The following CCNJL variants were observed in gnomAD, a reference collection of about 807,000 sequenced individuals.
The protein encoded by CCNJL is cyclin J like, also known as cyclin-J-like protein.
Under a neutral mutation model 33.4 loss-of-function variants are expected in CCNJL, and 33 were observed. The ratio of observed to expected loss-of-function variants is 0.99; its 90% confidence interval spans 0.75 to 1.32. The LOEUF (loss-of-function observed/expected upper bound fraction) is 1.32. Among genes scored for constraint, CCNJL ranks in the 40% most tolerant of loss-of-function variants. The pLI is 0.00. For synonymous variants in CCNJL, 227 were observed against 220.9 expected (o/e 1.03, Z -0.24); for missense variants, 512 against 499.7 (o/e 1.02, Z -0.23).
At chr5:160,271,981 T>C (rs887167400) in intron 3 of CCNJL, among the ~76,000 whole-genome samples, 3 of 152,232 alleles carry the variant, frequency 2.0e-5, no homozygotes, top group Admixed American at 1.3e-4. Flanking sequence ...ATAAATCTCA[T>C]GTTTTGTCAG....
intron 2 of CCNJL, among the ~76,000 whole-genome samples, chr5:160,287,164 G>A (rs1387175924): frequency 2.0e-5 from 3 of 152,146 alleles, no homozygotes; most frequent in Non-Finnish European, 4.4e-5. Context: ...TCTGAGAAAT[G>A]GGGGTCACGC....
chr5:160,323,392 G>A (rs746751747), intron 1 of CCNJL, among the ~76,000 whole-genome samples: 3 of 152,082 alleles, frequency 2.0e-5, no homozygotes, highest in Admixed American at 6.6e-5. Flanking sequence ...ACCGTGCCTG[G>A]CTCAAAAATA....
At position 160,298,990 on chromosome 5, in the gene CCNJL, A is replaced by T. The variant is rs959036360; in HGVS notation, c.66+12868T>A. On this transcript the variant is annotated intron_variant, in intron 2 of 5. Coordinates refer to ENST00000257536, the MANE Select transcript of CCNJL (RefSeq NM_001308173.3). Reference sequence around the variant, plus strand: ...GTATTTTATATTTATTTATTTATTTATTTTTTGAGACAGAGTCTTGATCTG... The same window carrying T: ...GTATTTTATATTTATTTATTTATTTTTTTTTTGAGACAGAGTCTTGATCTG... Among the ~76,000 whole-genome samples the T allele has an allele frequency of 3.3e-5, 5 of 152,006 alleles. No individual in the cohort carries two copies. In the East Asian group the frequency reaches 9.6e-4, roughly 29 times the overall value.
chr5:160,304,051 C>T (rs1208531161), intron 2 of CCNJL, among the ~76,000 whole-genome samples: 2 of 152,184 alleles, frequency 1.3e-5, no homozygotes, highest in Non-Finnish European at 2.9e-5. Flanking sequence ...CTCCCTGGGA[C>T]ACCTGGGTGG....
At chr5:160,275,811 G>A (rs1015942507) in intron 3 of CCNJL, among the ~76,000 whole-genome samples, 1 of 151,374 alleles carries the variant, frequency 6.6e-6, no homozygotes, top group Admixed American at 6.6e-5. Flanking sequence ...TCCATGCCCT[G>A]GGGCCAAAGA....
chr5:160,292,936 A>G (rs1397980978), intron 2 of CCNJL, among the ~76,000 whole-genome samples: 2 of 152,214 alleles, frequency 1.3e-5, no homozygotes, highest in Non-Finnish European at 2.9e-5. Flanking sequence ...TGAGATTACC[A>G]GCATCCCTAC....
At chr5:160,311,248 C>T (rs1190588872) in intron 2 of CCNJL, among the ~76,000 whole-genome samples, 5 of 152,066 alleles carry the variant, frequency 3.3e-5, no homozygotes, top group South Asian at 2.1e-4. Context: ...TTGTTTTCTT[C>T]CCTCAGCCTC....
At chr5:160,281,691 C>A (rs1256656272) in intron 2 of CCNJL, among the ~76,000 whole-genome samples, 1 of 152,172 alleles carries the variant, frequency 6.6e-6, no homozygotes, top group Non-Finnish European at 1.5e-5. Context: ...CCCCCTCTTA[C>A]CCAGGCTGGA....
intron 5 of CCNJL, 33 bp downstream of exon 5, chr5:160,255,516 T>C: frequency 6.2e-7 from 1 of 1,608,726 alleles, no homozygotes; most frequent in Non-Finnish European, 8.5e-7. Flanking sequence ...ACCTCACTAT[T>C]TCAGAAACAC....
At chr5:160,283,020 TATATATAC>T (rs1762290504) in intron 2 of CCNJL, among the ~76,000 whole-genome samples, 3 of 96,026 alleles carry the variant, frequency 3.1e-5, no homozygotes, top group African/African-American at 1.3e-4. Context: ...CATATATATA[TATATATAC>T]CTAAGAGAAA....
intron 3 of CCNJL, among the ~76,000 whole-genome samples, chr5:160,261,591 G>A (rs1761336520): frequency 6.6e-6 from 1 of 152,094 alleles, no homozygotes. Context: ...GGCTCTGGCC[G>A]ACTGGCTCTA....
chr5:160,338,724 T>C (rs1418037348), intron 1 of CCNJL, among the ~76,000 whole-genome samples: 1 of 152,184 alleles, frequency 6.6e-6, no homozygotes, highest in Non-Finnish European at 1.5e-5. Flanking sequence ...ATAAAGCACT[T>C]ACCATAGGGC....
chr5:160,251,361 A>G lies in CCNJL; in HGVS notation c.*2017T>C, dbSNP rs1420875650. 1 of 152,218 alleles carries G rather than the reference A, an allele frequency of 6.6e-6. No homozygotes were observed. The highest frequency in any genetic ancestry group is 1.5e-5 in the Non-Finnish European group (1 of 68,066). 9.4% of individuals were successfully genotyped at this position (152,218 alleles called of 1,614,324 possible). ...CAAATTTTAGACCACAGCCTCTGCA[A>G]TCACATGAGCCAATTCCTTAAAATA... On this transcript the variant is annotated 3_prime_UTR_variant, in exon 6 of 6. Coordinates refer to ENST00000257536, the MANE Select transcript of CCNJL (RefSeq NM_001308173.3).
At chr5:160,326,664 G>A in intron 1 of CCNJL, 1 of 774,440 alleles carries the variant, frequency 1.3e-6, no homozygotes, top group Admixed American at 1.8e-5. Flanking sequence ...GAAATCAGCG[G>A]GTGGGTGTGC....
chr5:160,303,020 T>C (rs578221769), intron 2 of CCNJL, among the ~76,000 whole-genome samples: 17 of 152,270 alleles, frequency 1.1e-4, no homozygotes, highest in African/African-American at 3.8e-4. Context: ...CTTTCCATCA[T>C]CTACTCTTTT....
At chr5:160,269,930 T>C (rs1312965652) in intron 3 of CCNJL, among the ~76,000 whole-genome samples, 1 of 152,328 alleles carries the variant, frequency 6.6e-6, no homozygotes, top group East Asian at 1.9e-4. Context: ...CTTCCTCTGA[T>C]ACTTGCGGAA....
intron 2 of CCNJL, among the ~76,000 whole-genome samples, chr5:160,281,558 A>C (rs1762215261): frequency 6.6e-6 from 1 of 152,246 alleles, no homozygotes; most frequent in Non-Finnish European, 1.5e-5. Context: ...ATATCAAACC[A>C]ACAAAGTTTT....
Position 160,253,451 on chromosome 5 carries a change from C to A in CCNJL, c.1091G>T (p.Cys364Phe). 1.2e-6 allele frequency: 2 copies of A among 1,612,234 alleles called. No homozygotes were observed. The highest frequency in any genetic ancestry group is 1.7e-6 in the Non-Finnish European group (2 of 1,178,896). Residue 364 changes from cysteine to phenylalanine, a missense_variant, in exon 6 of 6, where the codon TGC becomes TTC. Transcript: ENST00000257536. ...GCTGCTTCCATAGGTGGTGGCGAGG[C>A]AGTGCCTGGGCTCAGCTGCAATGGC... ...HMAIAAEPRH[C>F]LATTYGSSYF...
Position 160,255,529 on chromosome 5 carries a change from G to A in CCNJL, c.743+20C>T, listed in dbSNP as rs200797535. On this transcript the variant is annotated intron_variant, in intron 5 of 5. Coordinates refer to ENST00000257536, the MANE Select transcript of CCNJL (RefSeq NM_001308173.3). ...GAACCTCACTATTTCAGAAACACAG[G>A]ATTCAGGGGAGAAACTTACACCAGC... The A allele has an allele frequency of 1.4e-4, 233 of 1,612,052 alleles. 1 individual carries two copies. In the East Asian group the frequency reaches 5.2e-3, roughly 36 times the overall value.
Sources: gnomAD v4.1 joint callset for allele counts (sites outside exome capture counted in the v4.1 genomes callset) on GRCh38, gnomAD v4.1.1 for gene constraint, MANE v1.5 for transcripts, NCBI Gene and HGNC (gene_info 2026-07-23, HGNC 2026-07-21) for gene names.